CACNA1C: variants seen among roughly 807,000 people sequenced by gnomAD.
CACNA1C encodes the protein voltage-dependent L-type calcium channel subunit alpha-1C.
CACNA1C carries 30 observed loss-of-function variants against 229.0 expected under a neutral mutation model. The observed-to-expected ratio is 0.13, with a 90% CI of 0.10 to 0.18. CACNA1C has a LOEUF of 0.18. Ranked by LOEUF, CACNA1C falls within the 10% of genes least tolerant of loss-of-function variation. The pLI is 1.00. For missense variants in CACNA1C, 1,658 were observed against 2,845.0 expected (o/e 0.58, Z 9.49); for synonymous variants, 1,114 against 1,132.5 (o/e 0.98, Z 0.33).
Position 2,697,120 on chromosome 12 carries a change from C to T in CACNA1C, c.*5921C>T, listed in dbSNP as rs995784134. ...CTCCAGCATCCCAAAGCTGTGCGCA[C>T]CTTCTCTTTTCCTGCCTCAGGCCAC... On this transcript the variant is annotated 3_prime_UTR_variant, in exon 47 of 47. Coordinates refer to ENST00000399655, the MANE Select transcript of CACNA1C (RefSeq NM_000719.7). 3 of 152,436 alleles carry T rather than the reference C, an allele frequency of 2.0e-5. No individual in the cohort carries two copies. Among genetic ancestry groups the T allele is most frequent in the Admixed American group, 6.5e-5 (1 of 15,284 alleles). The allele number at this position is 152,436 out of a possible 1,614,324, so 9.4% of individuals were successfully genotyped here.
At chr12:2,254,328 TGA>T (rs2076607641) in intron 3 of CACNA1C, among the ~76,000 whole-genome samples, 1 of 152,186 alleles carries the variant, frequency 6.6e-6, no homozygotes. Flanking sequence ...GGATGTAGGC[TGA>T]GTCTTATCTT....
chr12:2,425,650 G>T (rs1451642723), intron 3 of CACNA1C, among the ~76,000 whole-genome samples: 2 of 152,190 alleles, frequency 1.3e-5, no homozygotes, highest in Non-Finnish European at 2.9e-5. Context: ...AGTCTTTAGA[G>T]GTGTGGCTTT....
At chr12:2,634,252 G>A (rs200747741) in intron 29 of CACNA1C, 45 bp from the exon 30 acceptor site, 270 of 406,620 alleles carry the variant, frequency 6.6e-4, no homozygotes, top group Admixed American at 1.0e-3. Context: ...GTCCTTTCTT[G>A]TTGGTTCTTC....
chr12:2,502,001 T>C (rs2099761547), intron 7 of CACNA1C, among the ~76,000 whole-genome samples: 1 of 152,228 alleles, frequency 6.6e-6, no homozygotes, highest in South Asian at 2.1e-4. Context: ...ACTCTGGGGC[T>C]TCCTTCCTGC....
At position 2,504,854 on chromosome 12, in the gene CACNA1C, G is replaced by A. The variant is rs1131653; in HGVS notation, c.1126G>A (p.Val376Ile). The A allele has an allele frequency of 5.3e-5, 84 of 1,582,866 alleles. No homozygotes were observed. The highest frequency in any genetic ancestry group is 6.2e-5 in the Non-Finnish European group (71 of 1,151,888). ...TDVLYWVNDA[V>I]GRDWPWIYFV... ...TCCGTTCTTCCAGGTCAATGATGCCGTAGGAAGGGACTGGCCCTGGATCTA... is the reference window on the plus strand; with the variant it reads ...TCCGTTCTTCCAGGTCAATGATGCCATAGGAAGGGACTGGCCCTGGATCTA... Residue 376 changes from valine (V) to isoleucine (I), a missense_variant, in exon 8 of 47, where the codon GTA becomes ATA. Physicochemically the swap from Val to Ile is conservative, Grantham distance 29 (BLOSUM62 3). This residue lies in a region of CACNA1C where 84 missense variants were observed against 202.6 expected (regional missense o/e 0.41). Coordinates refer to ENST00000399655, the MANE Select transcript of CACNA1C (RefSeq NM_000719.7). This position sits in a 1 kb window ranked among gnomAD's most constrained non-coding sequence, Gnocchi z 6.8.
intron 1 of CACNA1C, among the ~76,000 whole-genome samples, chr12:2,059,510 A>G (rs2056620711): frequency 6.6e-6 from 1 of 151,640 alleles, no homozygotes; most frequent in African/African-American, 2.4e-5. Context: ...AAGAAACCCA[A>G]ACCTCTCAGC....
intron 3 of CACNA1C, among the ~76,000 whole-genome samples, chr12:2,342,072 T>G (rs865781941): frequency 1.3e-5 from 2 of 152,174 alleles, no homozygotes; most frequent in South Asian, 4.1e-4. Context: ...CCAGACTGTT[T>G]CCAAAGAGTA....
chr12:2,127,265 C>G (rs577704533), intron 3 of CACNA1C, among the ~76,000 whole-genome samples: 8 of 152,166 alleles, frequency 5.3e-5, no homozygotes, highest in Non-Finnish European at 8.8e-5. Context: ...TTCTGAGATG[C>G]GTCTGAGCCC....
At chr12:2,445,679 C>G (rs749835384) in intron 3 of CACNA1C, among the ~76,000 whole-genome samples, 1 of 152,246 alleles carries the variant, frequency 6.6e-6, no homozygotes, top group Non-Finnish European at 1.5e-5. Context: ...CCTCACCACA[C>G]CCCGCGACCC....
intron 3 of CACNA1C, among the ~76,000 whole-genome samples, chr12:2,183,384 T>G (rs766453329): frequency 1.1e-4 from 16 of 152,230 alleles, no homozygotes; most frequent in Non-Finnish European, 2.2e-4. Flanking sequence ...GCTGATCTGG[T>G]AAGCACCGGG....
intron 3 of CACNA1C, among the ~76,000 whole-genome samples, chr12:2,424,012 A>G (rs994901): frequency 0.53 from 80,380 of 151,856 alleles, 21,636 homozygotes; most frequent in African/African-American, 0.63. Flanking sequence ...CTTGGGAGAG[A>G]CTGCCTGCGA....
At chr12:2,660,950 T>G (rs532227701) in intron 34 of CACNA1C, 7 of 152,066 alleles carry the variant, frequency 4.6e-5, no homozygotes, top group African/African-American at 1.7e-4. Flanking sequence ...ACTGAGAGCT[T>G]CTGAGTCTAT....
intron 3 of CACNA1C, among the ~76,000 whole-genome samples, chr12:2,435,876 G>A (rs961002076): frequency 2.6e-5 from 4 of 152,212 alleles, no homozygotes; most frequent in East Asian, 1.9e-4. Flanking sequence ...AAAGCAGGCC[G>A]TCGTGCCATG....
intron 3 of CACNA1C, among the ~76,000 whole-genome samples, chr12:2,397,989 T>C (rs1463945608): frequency 1.3e-5 from 2 of 152,214 alleles, no homozygotes; most frequent in Non-Finnish European, 2.9e-5. Flanking sequence ...GCCTAGCCCC[T>C]GGGCCTGTCA....
Position 2,674,413 on chromosome 12 carries a change from C to A in CACNA1C, c.4727-128C>A, listed in dbSNP as rs548412272. On this transcript the variant is annotated intron_variant, in intron 38 of 46. Coordinates refer to ENST00000399655, the MANE Select transcript of CACNA1C (RefSeq NM_000719.7). Reference sequence around the variant, plus strand: ...GAAGACTGGGGAGAAGTGAAGCAAGCAAGAAAGAAACTGATGAGTCAGGGT... The same window carrying A: ...GAAGACTGGGGAGAAGTGAAGCAAGAAAGAAAGAAACTGATGAGTCAGGGT... 25 of 1,337,230 alleles carry A rather than the reference C, an allele frequency of 1.9e-5. No individual in the cohort carries two copies. In the South Asian group the frequency reaches 3.4e-4, roughly 18 times the overall value. The allele number at this position is 1,337,230 out of a possible 1,614,324, so 82.8% of individuals were successfully genotyped here.
At chr12:2,168,811 T>G (rs993383772) in intron 3 of CACNA1C, among the ~76,000 whole-genome samples, 1 of 152,138 alleles carries the variant, frequency 6.6e-6, no homozygotes, top group Non-Finnish European at 1.5e-5. Context: ...TCTATGATGG[T>G]CTTATGAGAA....
chr12:2,230,510 C>G (rs1378771755), intron 3 of CACNA1C, among the ~76,000 whole-genome samples: 1 of 152,198 alleles, frequency 6.6e-6, no homozygotes, highest in East Asian at 1.9e-4. Flanking sequence ...GTCCAAAAGG[C>G]TAAGAGGAGA....
At position 2,181,508 on chromosome 12, in the gene CACNA1C, T is replaced by G. The variant is rs1409355576; in HGVS notation, c.477+61078T>G. ...AAAACTCAGTTGCTGAAAGGCGTAA[T>G]AGGGGAGCGCAGATTTGAGGGTCAT... On this transcript the variant is annotated intron_variant, in intron 3 of 46. Coordinates refer to ENST00000399655, the MANE Select transcript of CACNA1C (RefSeq NM_000719.7). The surrounding 1 kb of genome is among the most constrained non-coding windows in gnomAD (Gnocchi z 4.0). Among the ~76,000 whole-genome samples, 1 of 152,098 alleles carries G rather than the reference T, an allele frequency of 6.6e-6. No homozygotes were observed. The highest frequency in any genetic ancestry group is 1.5e-5 in the Non-Finnish European group (1 of 68,004).
chr12:2,535,297 G>A (rs1206958773), intron 9 of CACNA1C, among the ~76,000 whole-genome samples: 2 of 152,094 alleles, frequency 1.3e-5, no homozygotes, highest in Non-Finnish European at 2.9e-5. Flanking sequence ...GCTGAGGCAG[G>A]AGAATGACAT....
Sources: gnomAD v4.1 joint callset for allele counts (sites outside exome capture counted in the v4.1 genomes callset) on GRCh38, gnomAD v4.1.1 for gene constraint, gnomAD v4.1.1 regional missense constraint, Gnocchi (gnomAD v3.1) non-coding constraint, MANE v1.5 for transcripts, NCBI Gene and HGNC (gene_info 2026-07-23, HGNC 2026-07-21) for gene names.